The following NHSL1 variants were observed in gnomAD, a reference collection of about 807,000 sequenced individuals.
The protein encoded by NHSL1 is NHS like 1.
NHSL1 carries 48 observed loss-of-function variants against 95.0 expected under a neutral mutation model. The observed-to-expected ratio is 0.51, with a 90% CI of 0.40 to 0.64. The LOEUF is 0.64. Among genes scored for constraint, NHSL1 ranks in the 30% least tolerant of loss-of-function variants. The probability of loss-of-function intolerance (pLI) is 0.00; values close to 1 mark genes in which losing one functional copy is unlikely to be tolerated. For missense variants in NHSL1, 1,971 were observed against 2,077.7 expected (o/e 0.95, Z 1.00); for synonymous variants, 783 against 833.9 (o/e 0.94, Z 1.05).
chr6:138,473,518 T>C (rs1368693749), intron 2 of NHSL1, 85 bp from the exon 3 acceptor site: 1 of 1,290,184 alleles, frequency 7.8e-7, no homozygotes, highest in Non-Finnish European at 9.9e-7. Flanking sequence ...TCCTCTTTTT[T>C]ACTTTTTAAA....
chr6:138,672,943 G>T (rs1468554843), intron 1 of NHSL1, among the ~76,000 whole-genome samples: 1 of 152,064 alleles, frequency 6.6e-6, no homozygotes, highest in Non-Finnish European at 1.5e-5. Context: ...CTTGAACCAG[G>T]GAGGCAGAGG....
intron 1 of NHSL1, among the ~76,000 whole-genome samples, chr6:138,659,045 T>TA (rs34423573): frequency 1.7e-4 from 22 of 128,768 alleles, no homozygotes; most frequent in African/African-American, 6.6e-4. Context: ...ATGTGGACTA[T>TA]CTTTTTTTTT....
At chr6:138,435,718 T>TTTTTTGTTTTTTTG in intron 5 of NHSL1, among the ~76,000 whole-genome samples, 1 of 151,988 alleles carries the variant, frequency 6.6e-6, no homozygotes, top group South Asian at 2.1e-4. Context: ...TGGGGTTTTT[T>TTTTTTGTTTTTTTG]TTTTTGTTTT....
At chr6:138,563,240 A>G (rs1783479595) in intron 1 of NHSL1, among the ~76,000 whole-genome samples, 1 of 152,252 alleles carries the variant, frequency 6.6e-6, no homozygotes, top group Non-Finnish European at 1.5e-5. Context: ...TTTTAATAAT[A>G]GTGTCTCGCC....
chr6:138,654,799 T>G (rs565883406), intron 1 of NHSL1, among the ~76,000 whole-genome samples: 1 of 152,272 alleles, frequency 6.6e-6, no homozygotes, highest in Admixed American at 6.5e-5. Flanking sequence ...GAAAAGAATT[T>G]TTAAAAGCTG....
At position 138,432,207 on chromosome 6, in the gene NHSL1, G is replaced by C; in HGVS notation, c.2138C>G (p.Pro713Arg). The C allele has an allele frequency of 6.5e-7, 1 of 1,546,654 alleles. No homozygotes were observed. The highest frequency in any genetic ancestry group is 8.7e-7 in the Non-Finnish European group (1 of 1,144,064). Reference sequence around the variant, plus strand: ...GGAGGGCGAGCTGCCACTCTTGCCTGGGAGGCTCAGCTGCAGCGAGTGCTG... The same window carrying C: ...GGAGGGCGAGCTGCCACTCTTGCCTCGGAGGCTCAGCTGCAGCGAGTGCTG... ...TLQHSLQLSL[P>R]GKSGSSPSQS... The change falls in exon 6 of 8, where the codon CCA (proline) becomes CGA (arginine). Residue 713 changes from proline to arginine, a missense_variant. By Grantham distance (103) the Pro-to-Arg change is moderately radical. Around this residue, in one of 3 missense-constraint regions of NHSL1, gnomAD observed 1,602 missense variants for 1,654.5 expected, o/e 0.97. Transcript: ENST00000343505. The surrounding 1 kb of genome is among the most constrained non-coding windows in gnomAD (Gnocchi z 4.4).
chr6:138,429,974 G>A, intron 6 of NHSL1, 131 bp from the exon 7 acceptor site: 1 of 871,942 alleles, frequency 1.1e-6, no homozygotes, highest in Non-Finnish European at 1.7e-6. Flanking sequence ...CCGTGGGTCT[G>A]TAGTTTGATA....
At chr6:138,688,092 C>T (rs1171047175) in intron 1 of NHSL1, among the ~76,000 whole-genome samples, 1 of 152,098 alleles carries the variant, frequency 6.6e-6, no homozygotes, top group Non-Finnish European at 1.5e-5. Context: ...GCTGAGATTA[C>T]AGGCATGTGC....
At chr6:138,556,168 TA>T (rs374944119) in intron 1 of NHSL1, among the ~76,000 whole-genome samples, 110 of 152,218 alleles carry the variant, frequency 7.2e-4, no homozygotes, top group African/African-American at 2.4e-3. Context: ...AAATAATTAC[TA>T]AAGTTGATTT....
intron 1 of NHSL1, among the ~76,000 whole-genome samples, chr6:138,514,179 G>A (rs1413722574): frequency 6.6e-6 from 1 of 151,974 alleles, no homozygotes; most frequent in South Asian, 2.1e-4. Flanking sequence ...TTAGCCGGGC[G>A]TGGTGGTGAG....
At chr6:138,587,032 G>C (rs1362654406) in intron 1 of NHSL1, among the ~76,000 whole-genome samples, 1 of 151,962 alleles carries the variant, frequency 6.6e-6, no homozygotes, top group Admixed American at 6.6e-5. Flanking sequence ...GAGTGCAGCG[G>C]TACAATCTCC....
At chr6:138,660,497 A>G (rs1785212330) in intron 1 of NHSL1, among the ~76,000 whole-genome samples, 1 of 152,062 alleles carries the variant, frequency 6.6e-6, no homozygotes, top group Admixed American at 6.5e-5. Flanking sequence ...TACCTCCTTA[A>G]TTTAACAGCA....
intron 3 of NHSL1, among the ~76,000 whole-genome samples, chr6:138,460,455 G>T (rs1777919474): frequency 6.6e-6 from 1 of 152,034 alleles, no homozygotes. Context: ...GGCTGTGTTT[G>T]TAACTGTATA....
intron 1 of NHSL1, among the ~76,000 whole-genome samples, chr6:138,608,382 T>C (rs551292434): frequency 1.3e-5 from 2 of 152,228 alleles, no homozygotes; most frequent in Non-Finnish European, 2.9e-5. Context: ...ATTTTAACAG[T>C]TGGCCTTGGA....
upstream of NHSL1, among the ~76,000 whole-genome samples, chr6:138,547,882 T>C (rs918162776): frequency 2.6e-5 from 4 of 152,258 alleles, no homozygotes; most frequent in African/African-American, 9.6e-5. Context: ...GTCTCTCCCA[T>C]GTAATTTACG....
chr6:138,495,841 T>C (rs1286166784), intron 2 of NHSL1, among the ~76,000 whole-genome samples: 1 of 152,136 alleles, frequency 6.6e-6, no homozygotes, highest in Non-Finnish European at 1.5e-5. Flanking sequence ...GAAAGGCACG[T>C]CTTATATGGC....
At chr6:138,426,551 T>G (rs182289779) in intron 7 of NHSL1, among the ~76,000 whole-genome samples, 11 of 152,324 alleles carry the variant, frequency 7.2e-5, no homozygotes, top group Non-Finnish European at 2.9e-5. Context: ...CCATAATTGG[T>G]CAGGCATAGA....
intron 1 of NHSL1, among the ~76,000 whole-genome samples, chr6:138,510,813 C>G (rs1781185527): frequency 1.3e-5 from 2 of 152,120 alleles, no homozygotes; most frequent in Admixed American, 1.3e-4. Context: ...GGGACAAGAA[C>G]AAAAACATCA....
At chr6:138,454,773 TAC>T (rs1777473826) in intron 3 of NHSL1, among the ~76,000 whole-genome samples, 1 of 152,262 alleles carries the variant, frequency 6.6e-6, no homozygotes, top group Non-Finnish European at 1.5e-5. Context: ...CTCTCCAAGA[TAC>T]AGTTTTCTCA....
Sources: allele counts gnomAD v4.1 joint callset (sites outside exome capture counted in the v4.1 genomes callset), GRCh38; gene constraint gnomAD v4.1.1; regional missense constraint gnomAD v4.1.1; non-coding constraint Gnocchi (gnomAD v3.1); transcripts MANE v1.5; gene names NCBI Gene and HGNC (gene_info 2026-07-23, HGNC 2026-07-21).